CACNA2D3: variants seen among roughly 807,000 people sequenced by gnomAD.
CACNA2D3 encodes the protein voltage-dependent calcium channel subunit alpha-2/delta-3.
A neutral mutation model predicts 160.6 loss-of-function variants in CACNA2D3; 60 were observed. The ratio of observed to expected loss-of-function variants is 0.37; its 90% CI spans 0.30 to 0.46. CACNA2D3 has a LOEUF of 0.46. CACNA2D3 is among the 20% of genes least tolerant of loss of function. CACNA2D3 has a pLI of 1.00. For missense variants in CACNA2D3, 1,205 were observed against 1,365.0 expected (o/e 0.88, Z 1.85); for synonymous variants, 558 against 492.9 (o/e 1.13, Z -1.75).
rs1037655305 is a variant in CACNA2D3, at chr3:54,746,661, G to T, written c.1168-5938G>T. ...TCATATAACTTGCTTGCTTTTAAAGGTAGAAGGAATGGATTTGTAGTTAAA... is the reference window on the plus strand; with the variant it reads ...TCATATAACTTGCTTGCTTTTAAAGTTAGAAGGAATGGATTTGTAGTTAAA... On this transcript the variant is annotated intron_variant, in intron 11 of 37. Coordinates refer to ENST00000474759, the MANE Select transcript of CACNA2D3 (RefSeq NM_018398.3). Among the ~76,000 whole-genome samples, 10 of 152,194 alleles carry T rather than the reference G, an allele frequency of 6.6e-5. No homozygotes were observed. In the South Asian group the frequency reaches 1.5e-3, roughly 22 times the overall value.
At chr3:54,880,902 G>T (rs896532945) in intron 21 of CACNA2D3, 39 bp downstream of exon 21, 3 of 1,578,280 alleles carry the variant, frequency 1.9e-6, no homozygotes, top group Non-Finnish European at 2.6e-6. Flanking sequence ...TTTGGTGTGG[G>T]AGGAAAGCTC....
chr3:54,729,784 G>A (rs1701350627), intron 11 of CACNA2D3, among the ~76,000 whole-genome samples: 1 of 152,086 alleles, frequency 6.6e-6, no homozygotes, highest in Non-Finnish European at 1.5e-5. Context: ...TGGATCACGA[G>A]GTCAGGAGAT....
At chr3:54,998,141 T>C (rs1702900056) in intron 31 of CACNA2D3, among the ~76,000 whole-genome samples, 1 of 150,940 alleles carries the variant, frequency 6.6e-6, no homozygotes, top group South Asian at 2.1e-4. Context: ...TTTTTTTTTT[T>C]TTTTTGAGAT....
chr3:54,386,606 A>G, intron 3 of CACNA2D3, 109 bp from the exon 4 acceptor site: 1 of 976,938 alleles, frequency 1.0e-6, no homozygotes, highest in Non-Finnish European at 1.5e-6. Flanking sequence ...ATCAGATCAC[A>G]ATGTATGAAC....
chr3:54,236,312 A>C (rs1177065837), intron 2 of CACNA2D3, among the ~76,000 whole-genome samples: 1 of 152,234 alleles, frequency 6.6e-6, no homozygotes, highest in African/African-American at 2.4e-5. Flanking sequence ...AACTTCAATT[A>C]ATAGTAATGT....
At chr3:54,930,847 A>G (rs898188020) in intron 27 of CACNA2D3, among the ~76,000 whole-genome samples, 11 of 152,114 alleles carry the variant, frequency 7.2e-5, no homozygotes, top group African/African-American at 1.4e-4. Flanking sequence ...TGTAATCCCA[A>G]TATACTTTGG....
chr3:54,879,233 A>T, intron 19 of CACNA2D3, 117 bp from the exon 20 acceptor site: 1 of 862,750 alleles, frequency 1.2e-6, no homozygotes, highest in Non-Finnish European at 1.8e-6. Context: ...AGATTCATGT[A>T]GTACTGTTAA....
rs188332795 is a variant in CACNA2D3 at position 54,388,014 on chromosome 3, G to A, written c.381+1240G>A. Among the ~76,000 whole-genome samples the A allele has an allele frequency of 6.6e-5, 10 of 152,286 alleles. No homozygotes were observed. The East Asian group carries it at 1.2e-3, about 18-fold the overall frequency. ...CTCATCTGTGTCTTTTGCTTTGTGG[G>A]TACAACAATGCATATTCAAGTGGGG... On this transcript the variant is annotated intron_variant, in intron 4 of 37. Coordinates refer to ENST00000474759, the MANE Select transcript of CACNA2D3 (RefSeq NM_018398.3).
chr3:55,071,336 T>C (rs973091255), intron 35 of CACNA2D3, among the ~76,000 whole-genome samples: 1 of 152,194 alleles, frequency 6.6e-6, no homozygotes, highest in Non-Finnish European at 1.5e-5. Flanking sequence ...GTTATTGTGA[T>C]TGGTAATAAT....
intron 11 of CACNA2D3, among the ~76,000 whole-genome samples, chr3:54,731,130 G>A (rs752010761): frequency 6.6e-5 from 10 of 152,170 alleles, no homozygotes; most frequent in Non-Finnish European, 1.3e-4. Context: ...TCCATCTTGT[G>A]ATTTTATGTA....
intron 34 of CACNA2D3, among the ~76,000 whole-genome samples, chr3:55,017,196 G>A (rs915125692): frequency 2.6e-5 from 4 of 152,086 alleles, no homozygotes; most frequent in African/African-American, 4.8e-5. Context: ...CATTCTCTTG[G>A]GGAAATGTTA....
intron 2 of CACNA2D3, among the ~76,000 whole-genome samples, chr3:54,190,014 G>A (rs1321630265): frequency 1.3e-5 from 2 of 152,152 alleles, no homozygotes; most frequent in African/African-American, 4.8e-5. Context: ...AAATTTATTT[G>A]TCCCAGTTCT....
At chr3:54,417,843 G>A (rs1462689825) in intron 4 of CACNA2D3, among the ~76,000 whole-genome samples, 1 of 151,940 alleles carries the variant, frequency 6.6e-6, no homozygotes, top group Non-Finnish European at 1.5e-5. Context: ...CTGGAGTGCA[G>A]TGGTGTGATC....
chr3:54,927,747 C>T (rs1292942355), intron 27 of CACNA2D3, among the ~76,000 whole-genome samples: 10 of 152,152 alleles, frequency 6.6e-5, no homozygotes, highest in Admixed American at 6.5e-4. Context: ...ACCCAACATG[C>T]GCAAACATAA....
chr3:54,138,427 G>A (rs548844310), intron 2 of CACNA2D3, among the ~76,000 whole-genome samples: 2 of 152,316 alleles, frequency 1.3e-5, no homozygotes, highest in South Asian at 2.1e-4. Flanking sequence ...CTGGTATTTT[G>A]CCTAGCACCT....
chr3:54,661,590 CAG>C (rs886528023), intron 11 of CACNA2D3, among the ~76,000 whole-genome samples: 7 of 152,008 alleles, frequency 4.6e-5, no homozygotes, highest in Admixed American at 3.9e-4. Context: ...TAAAAAAATC[CAG>C]AGAGAGTCAT....
intron 5 of CACNA2D3, among the ~76,000 whole-genome samples, chr3:54,510,558 C>T (rs906546125): frequency 6.6e-6 from 1 of 152,140 alleles, no homozygotes; most frequent in Non-Finnish European, 1.5e-5. Flanking sequence ...CTGTTCCTGT[C>T]CCCTGGTTCC....
At chr3:54,366,220 G>A (rs926410774) in intron 3 of CACNA2D3, among the ~76,000 whole-genome samples, 5 of 152,192 alleles carry the variant, frequency 3.3e-5, no homozygotes, top group Non-Finnish European at 7.3e-5. Context: ...TTAGGGTGTT[G>A]AAGGAGGAGT....
At chr3:54,336,891 A>G (rs555903683) in intron 3 of CACNA2D3, among the ~76,000 whole-genome samples, 38 of 152,340 alleles carry the variant, frequency 2.5e-4, no homozygotes, top group Middle Eastern at 3.4e-3. Flanking sequence ...TTCTATAAAC[A>G]CATGCCCCAT....
Sources: gnomAD v4.1 joint callset for allele counts (sites outside exome capture counted in the v4.1 genomes callset) on GRCh38, gnomAD v4.1.1 for gene constraint, MANE v1.5 for transcripts, NCBI Gene and HGNC (gene_info 2026-07-23, HGNC 2026-07-21) for gene names.